The following RNF216 variants were observed in gnomAD, a reference collection of about 807,000 sequenced individuals.
RNF216 encodes the protein ring finger protein 216, also known as E3 ubiquitin-protein ligase RNF216.
A neutral mutation model predicts 110.8 loss-of-function variants in RNF216; 72 were observed. The ratio of observed to expected loss-of-function variants is 0.65; its 90% CI spans 0.54 to 0.79. The LOEUF is 0.79. Ranked by LOEUF, RNF216 falls within the 30% of genes least tolerant of loss-of-function variation. RNF216 has a pLI of 0.00. For missense variants in RNF216, 1,342 were observed against 1,141.2 expected (o/e 1.18, Z -2.54); for synonymous variants, 495 against 407.5 (o/e 1.21, Z -2.59).
chr7:5,757,444 CCT>C (rs1491493718), intron 2 of RNF216, among the ~76,000 whole-genome samples: 1 of 151,728 alleles, frequency 6.6e-6, no homozygotes, highest in Non-Finnish European at 1.5e-5. Flanking sequence ...GCATGATGTA[CCT>C]TTTTTCCTTC....
intron 8 of RNF216, among the ~76,000 whole-genome samples, chr7:5,722,667 G>A (rs1205241067): frequency 2.0e-5 from 3 of 151,984 alleles, no homozygotes; most frequent in Non-Finnish European, 4.4e-5. Flanking sequence ...CAGGATTACA[G>A]GCATGAGCCA....
intron 8 of RNF216, among the ~76,000 whole-genome samples, chr7:5,722,808 G>C (rs1486187119): frequency 2.0e-5 from 3 of 151,940 alleles, no homozygotes; most frequent in Non-Finnish European, 4.4e-5. Flanking sequence ...CATCATCTAA[G>C]GTTAGGAGTT....
intron 14 of RNF216, among the ~76,000 whole-genome samples, chr7:5,651,763 C>A (rs1788405723): frequency 6.6e-6 from 1 of 152,166 alleles, no homozygotes; most frequent in Non-Finnish European, 1.5e-5. Flanking sequence ...ATTATCCTGC[C>A]TCAGCCTCCC....
chr7:5,718,813 T>C (rs1303330643), intron 9 of RNF216, among the ~76,000 whole-genome samples: 1 of 152,144 alleles, frequency 6.6e-6, no homozygotes, highest in African/African-American at 2.4e-5. Flanking sequence ...TTCCAAAGCA[T>C]GTAATCATGC....
At chr7:5,770,529 G>A (rs1040798479) in intron 1 of RNF216, among the ~76,000 whole-genome samples, 2 of 151,686 alleles carry the variant, frequency 1.3e-5, no homozygotes, top group East Asian at 1.9e-4. Context: ...CCATATTCAC[G>A]GGTGGGAAAG....
intron 11 of RNF216, 41 bp downstream of exon 11, chr7:5,715,012 A>C: frequency 6.4e-7 from 1 of 1,562,988 alleles, no homozygotes; most frequent in Non-Finnish European, 8.7e-7. Flanking sequence ...AGACTCCAGG[A>C]ATGTGTCCTA....
At chr7:5,769,545 AAACGCTGTCTCTAC>A (rs1796385308) in intron 1 of RNF216, among the ~76,000 whole-genome samples, 1 of 151,868 alleles carries the variant, frequency 6.6e-6, no homozygotes, top group African/African-American at 2.4e-5. Flanking sequence ...CAACATGGTG[AAACGCTGTCTCTAC>A]CAACAAACAA....
intron 13 of RNF216, among the ~76,000 whole-genome samples, chr7:5,707,677 C>A (rs1049635806): frequency 2.0e-5 from 3 of 148,192 alleles, no homozygotes; most frequent in African/African-American, 7.5e-5. Flanking sequence ...TTGCCTTGTT[C>A]CTGATCTTAG....
chr7:5,673,859 ATTT>A (rs756283994), intron 13 of RNF216, among the ~76,000 whole-genome samples: 5 of 121,584 alleles, frequency 4.1e-5, no homozygotes, highest in African/African-American at 6.4e-5. Context: ...TCTTTCTCTC[ATTT>A]TTTTTTTTTT....
intron 13 of RNF216, among the ~76,000 whole-genome samples, chr7:5,666,153 G>C (rs1254292236): frequency 7.1e-5 from 10 of 140,682 alleles, no homozygotes; most frequent in South Asian, 4.6e-4. Context: ...GCGACAGAGT[G>C]AGACTCCGTC....
In RNF216 at chr7:5,731,092, T is replaced by C. The variant is rs565973511; in HGVS notation, c.1122-275A>G. On this transcript the variant is annotated intron_variant, in intron 5 of 16. Coordinates refer to ENST00000389902, the MANE Select transcript of RNF216 (RefSeq NM_207111.4). Reference sequence around the variant, plus strand: ...TTTATGTATCAATTGGGTGTTAATGTAATGAAGTCACTGAAACTATTATTG... The same window carrying C: ...TTTATGTATCAATTGGGTGTTAATGCAATGAAGTCACTGAAACTATTATTG... Among the ~76,000 whole-genome samples the C allele has an allele frequency of 2.0e-5, 3 of 152,366 alleles. No individual in the cohort carries two copies. In the East Asian group the frequency reaches 5.8e-4, roughly 29 times the overall value.
In RNF216 at chr7:5,721,191, T is replaced by G. The variant is rs1295335413; in HGVS notation, c.1505-19A>C. 5 of 1,610,792 alleles carry G rather than the reference T, an allele frequency of 3.1e-6. No homozygotes were observed. The highest frequency in any genetic ancestry group is 4.2e-6 in the Non-Finnish European group (5 of 1,178,446). ...ATGTCACCTAGAAGATATACGACAA[T>G]GCAAAAGCATGCAGACAACTATGTG... is the stretch of plus-strand genomic sequence containing the variant. On this transcript the variant is annotated intron_variant, in intron 8 of 16. Coordinates refer to ENST00000389902, the MANE Select transcript of RNF216 (RefSeq NM_207111.4).
intron 6 of RNF216, among the ~76,000 whole-genome samples, chr7:5,729,953 T>G (rs1793991789): frequency 6.6e-6 from 1 of 152,132 alleles, no homozygotes; most frequent in African/African-American, 2.4e-5. Flanking sequence ...AAGCAACAGA[T>G]CTTAATAAAG....
chr7:5,695,232 C>T (rs1272244926), intron 13 of RNF216, among the ~76,000 whole-genome samples: 1 of 152,186 alleles, frequency 6.6e-6, no homozygotes, highest in Non-Finnish European at 1.5e-5. Context: ...TCTACAACTG[C>T]AAGTCAAGAG....
intron 14 of RNF216, among the ~76,000 whole-genome samples, chr7:5,642,978 T>A (rs967873197): frequency 6.6e-6 from 1 of 152,058 alleles, no homozygotes; most frequent in African/African-American, 2.4e-5. Context: ...CTGTAAAGAA[T>A]TAAGGTTACA....
At chr7:5,747,853 A>AC (rs1241585111) in intron 3 of RNF216, among the ~76,000 whole-genome samples, 3 of 151,762 alleles carry the variant, frequency 2.0e-5, no homozygotes, top group Non-Finnish European at 4.4e-5. Context: ...ATCATAGCTC[A>AC]CTACAGCCTT....
Position 5,631,692 on chromosome 7 carries a change from T to C in RNF216, c.2383-7567A>G, listed in dbSNP as rs533662672. 9.1e-4 allele frequency among the ~76,000 whole-genome samples: 139 copies of C among 152,322 alleles called. No individual in the cohort carries two copies. The Middle Eastern group carries it at 0.01, about 11-fold the overall frequency. ...ATAAAAAAAAAAATGCCATTATTTC[T>C]TTTCCTTATACATATTGATTAAAAC... is the stretch of plus-strand genomic sequence containing the variant. On this transcript the variant is annotated intron_variant, in intron 15 of 16. Transcript: ENST00000389902.
intron 16 of RNF216, 91 bp from the exon 17 acceptor site, chr7:5,623,270 G>C: frequency 2.5e-6 from 3 of 1,212,286 alleles, no homozygotes; most frequent in Non-Finnish European, 3.4e-6. Context: ...TCTGGACACG[G>C]GAGTGGCTCC....
At chr7:5,707,269 G>C (rs1792354409) in intron 13 of RNF216, among the ~76,000 whole-genome samples, 1 of 152,102 alleles carries the variant, frequency 6.6e-6, no homozygotes, top group African/African-American at 2.4e-5. Context: ...ATGCATTTTA[G>C]GGATGTCTTT....
Sources: allele counts gnomAD v4.1 joint callset (sites outside exome capture counted in the v4.1 genomes callset), GRCh38; gene constraint gnomAD v4.1.1; transcripts MANE v1.5; gene names NCBI Gene and HGNC (gene_info 2026-07-23, HGNC 2026-07-21).